Variants in GRM4 observed in about 807,000 individuals in gnomAD.
The protein encoded by GRM4 is glutamate metabotropic receptor 4.
A neutral mutation model predicts 81.7 loss-of-function variants in GRM4; 28 were observed. The ratio of observed to expected loss-of-function variants is 0.34; its 90% CI spans 0.25 to 0.47. GRM4 has a LOEUF of 0.47. Ranked by LOEUF, GRM4 falls within the 20% of genes least tolerant of loss-of-function variation. The pLI is 1.00. For synonymous variants in GRM4, 488 were observed against 528.8 expected (o/e 0.92, Z 1.06); for missense variants, 948 against 1,290.0 (o/e 0.73, Z 4.06).
chr6:34,086,172 G>T (rs897049310), intron 3 of GRM4, among the ~76,000 whole-genome samples: 1 of 152,186 alleles, frequency 6.6e-6, no homozygotes, highest in Non-Finnish European at 1.5e-5. Flanking sequence ...CGTAGATGGG[G>T]TGCTCCATTT....
chr6:34,097,097 T>C (rs1363668499), intron 2 of GRM4, among the ~76,000 whole-genome samples: 1 of 152,182 alleles, frequency 6.6e-6, no homozygotes. Context: ...TATGAACAAC[T>C]GCCGTCAGCG....
chr6:34,027,629 G>A (rs1383758713), intron 10 of GRM4, among the ~76,000 whole-genome samples: 1 of 152,184 alleles, frequency 6.6e-6, no homozygotes, highest in Non-Finnish European at 1.5e-5. Context: ...CAGCTGCTCT[G>A]GGCTCAGGGC....
intron 2 of GRM4, chr6:34,110,746 G>T: frequency 1.3e-6 from 2 of 1,497,478 alleles, no homozygotes; most frequent in Non-Finnish European, 1.8e-6. Flanking sequence ...CCTGCAGCCC[G>T]TGAGTCCCCA....
chr6:34,154,292 C>CCCAGT (rs1269515448), intron 1 of GRM4, among the ~76,000 whole-genome samples: 2 of 152,186 alleles, frequency 1.3e-5, no homozygotes, highest in Non-Finnish European at 2.9e-5. Context: ...GCTCCCCGAC[C>CCCAGT]CCAGCCCAGC....
intron 2 of GRM4, among the ~76,000 whole-genome samples, chr6:34,102,942 G>A (rs563555904): frequency 4.6e-5 from 7 of 152,218 alleles, no homozygotes; most frequent in Admixed American, 6.5e-5. Context: ...AGCCAGTGGC[G>A]TCACTCTGCA....
intron 1 of GRM4, among the ~76,000 whole-genome samples, chr6:34,145,059 C>T (rs1770868696): frequency 6.6e-6 from 1 of 152,148 alleles, no homozygotes; most frequent in African/African-American, 2.4e-5. Context: ...ACGGTCCCCT[C>T]TGTCGGTCCC....
chr6:34,151,700 A>T (rs956958560), intron 1 of GRM4, among the ~76,000 whole-genome samples: 2 of 79,116 alleles, frequency 2.5e-5, no homozygotes, highest in Non-Finnish European at 5.2e-5. Flanking sequence ...AGCGCTGCCC[A>T]CCCCGCCCCC....
In GRM4 at chr6:34,136,736, G is replaced by A. The variant is rs550529305; in HGVS notation, c.-363-2877C>T. 2.0e-5 allele frequency among the ~76,000 whole-genome samples: 3 copies of A among 152,160 alleles called. No homozygotes were observed. The highest frequency in any genetic ancestry group is 7.2e-5 in the African/African-American group (3 of 41,520). On this transcript the variant is annotated intron_variant, in intron 1 of 10. Transcript: ENST00000538487. The surrounding 1 kb of genome is among the most constrained non-coding windows in gnomAD (Gnocchi z 4.1). ...GCGAGACTTCCCTCCCACAGGACTG[G>A]GTCCCAGCCCCTGCCCACAGGTCCC...
intron 2 of GRM4, among the ~76,000 whole-genome samples, chr6:34,107,555 G>A (rs1186852224): frequency 1.3e-5 from 2 of 152,198 alleles, no homozygotes; most frequent in Non-Finnish European, 2.9e-5. Context: ...TCTAGCCAGG[G>A]TAGCAATGGA....
At chr6:34,087,840 A>ACACACACACACACC in intron 3 of GRM4, among the ~76,000 whole-genome samples, 1 of 149,918 alleles carries the variant, frequency 6.7e-6, no homozygotes, top group Non-Finnish European at 1.5e-5. Flanking sequence ...ACACACACAC[A>ACACACACACACACC]CGTCCTGGCC....
At chr6:34,147,005 C>G (rs1325526713), upstream of GRM4, among the ~76,000 whole-genome samples, 1 of 151,658 alleles carries the variant, frequency 6.6e-6, no homozygotes, top group Admixed American at 6.6e-5. Flanking sequence ...ACATCTCGTT[C>G]AGCATCATTT....
chr6:34,099,071 G>A (rs904601720), intron 2 of GRM4, among the ~76,000 whole-genome samples: 1 of 152,334 alleles, frequency 6.6e-6, no homozygotes, highest in East Asian at 1.9e-4. Context: ...CAGCCTAGTT[G>A]GGGAGTCAGG....
chr6:34,061,867 C>T (rs200584656), intron 4 of GRM4, 26 bp downstream of exon 4: 1 of 1,599,436 alleles, frequency 6.3e-7, no homozygotes, highest in Non-Finnish European at 8.6e-7. Context: ...GCTCCCGGTG[C>T]CCACCCTGCT....
chr6:34,036,409 T>C lies in GRM4; in HGVS notation c.1701A>G (p.Thr567=), dbSNP rs762460652. Residue 567 remains threonine (T), a synonymous_variant, in exon 9 of 11, where the codon ACA becomes ACG. Transcript: ENST00000538487. This position sits in a 1 kb window ranked among gnomAD's most constrained non-coding sequence, Gnocchi z 9.0. ...TGGGCCGGCAGCCCGTGCGGTTCTC[T>C]GTGGGCCGCATGTCATAGGGACACG... ...CKTCPYDMRP[T]ENRTGCRPIP... is the part of the protein sequence containing the mutation. 6.2e-7 allele frequency: 1 copy of C among 1,612,390 alleles called. No individual in the cohort carries two copies. Among genetic ancestry groups the C allele is most frequent in the South Asian group, 1.1e-5 (1 of 91,038 alleles).
intron 1 of GRM4, chr6:34,155,023 G>C: frequency 7.3e-7 from 1 of 1,368,924 alleles, no homozygotes. Context: ...ACAGTGCTGG[G>C]CACCTCCCCG....
rs910051535 is a variant in GRM4, at chr6:34,111,674, G to C, written c.520-19575C>G. On this transcript the variant is annotated intron_variant, in intron 2 of 10. Transcript: ENST00000538487. The surrounding 1 kb of genome is among the most constrained non-coding windows in gnomAD (Gnocchi z 5.1). Reference sequence around the variant, plus strand: ...GGGGCAAAGCTCAAGGTGGGCAAGAGCTGATGGGCTGGGTGGGGGTCAGAA... The same window carrying C: ...GGGGCAAAGCTCAAGGTGGGCAAGACCTGATGGGCTGGGTGGGGGTCAGAA... Among the ~76,000 whole-genome samples the C allele has an allele frequency of 6.6e-6, 1 of 152,260 alleles. No individual in the cohort carries two copies. Among genetic ancestry groups the C allele is most frequent in the Admixed American group, 6.5e-5 (1 of 15,292 alleles).
intron 2 of GRM4, among the ~76,000 whole-genome samples, chr6:34,128,579 T>C (rs1332492495): frequency 6.6e-6 from 1 of 152,056 alleles, no homozygotes; most frequent in Non-Finnish European, 1.5e-5. Context: ...GGTTTTACCA[T>C]GTTGGCCAGG....
At position 34,133,227 on chromosome 6, in the gene GRM4, G is replaced by A; in HGVS notation, c.270C>T (p.Asn90=). The A allele has an allele frequency of 3.1e-6, 5 of 1,614,190 alleles. 1 individual carries two copies. The highest frequency in any genetic ancestry group is 2.5e-6 in the Non-Finnish European group (3 of 1,180,010). ...TGTTAGGCAGCAGGTCCGGGTCGTT[G>A]TTGATGCGATCCAGGGCGAACAGCA... The part of the protein sequence containing the change: ...EAMLFALDRI[N]NDPDLLPNIT... The change falls in exon 2 of 11, where the codon AAC becomes AAT. Residue 90 remains asparagine, a synonymous_variant. Coordinates refer to ENST00000538487, the MANE Select transcript of GRM4 (RefSeq NM_000841.4). The surrounding 1 kb of genome is among the most constrained non-coding windows in gnomAD (Gnocchi z 6.5).
At chr6:34,145,896 C>T in intron 1 of GRM4, 104 bp downstream of exon 1, 2 of 711,538 alleles carry the variant, frequency 2.8e-6, no homozygotes, top group African/African-American at 1.9e-5. Flanking sequence ...GCCACCCCTC[C>T]ACACCCGCCC....
Sources: allele counts gnomAD v4.1 joint callset (sites outside exome capture counted in the v4.1 genomes callset), GRCh38; gene constraint gnomAD v4.1.1; non-coding constraint Gnocchi (gnomAD v3.1); transcripts MANE v1.5; gene names NCBI Gene and HGNC (gene_info 2026-07-23, HGNC 2026-07-21).